The following CEP290 variants were observed in gnomAD, a reference collection of about 807,000 sequenced individuals.
CEP290 encodes the protein centrosomal protein 290.
CEP290 carries 317 observed loss-of-function variants against 344.9 expected under a neutral mutation model. The observed-to-expected ratio is 0.92, with a 90% CI of 0.84 to 1.01. CEP290 has a LOEUF of 1.01. CEP290 is among the 50% of genes least tolerant of loss of function. The pLI, the probability that CEP290 is intolerant of heterozygous loss-of-function variation, is 0.00. For synonymous variants in CEP290, 932 were observed against 895.8 expected, an observed-to-expected ratio of 1.04 and a Z score of -0.72; for missense variants, 2,754 against 2,761.4, an observed-to-expected ratio of 1.00 and a Z score of 0.06.
At chr12:88,055,293 C>A (rs2033904483) in intron 50 of CEP290, among the ~76,000 whole-genome samples, 1 of 152,040 alleles carries the variant, frequency 6.6e-6, no homozygotes, top group South Asian at 2.1e-4. Context: ...ATAGCTTGGA[C>A]AAGACTGGTA....
At chr12:88,071,218 C>T in intron 43 of CEP290, 76 bp downstream of exon 43, 6 of 1,163,940 alleles carry the variant, frequency 5.2e-6, no homozygotes, top group Non-Finnish European at 7.5e-6. Flanking sequence ...AGACAACACA[C>T]ATTTATTATT....
Position 88,079,137 on chromosome 12 carries a change from A to G in CEP290, c.5319T>C (p.His1773=). Residue 1773 remains histidine, a synonymous_variant, in exon 39 of 54, where the codon CAT becomes CAC. Coordinates refer to ENST00000552810, the MANE Select transcript of CEP290 (RefSeq NM_025114.4). ...IISATSQKEA[H]LNVQQIVDRH... ...GATCAACGATTTGTTGAACATTGAG[A>G]TGGGCCTCTTTTTGAGAAGTTGCAG... 1 of 1,598,496 alleles carries G rather than the reference A, an allele frequency of 6.3e-7. No individual in the cohort carries two copies. Among genetic ancestry groups the G allele is most frequent in the Non-Finnish European group, 8.5e-7 (1 of 1,173,926 alleles).
Position 88,086,110 on chromosome 12 carries a change from C to A in CEP290, c.4366G>T (p.Ala1456Ser), listed in dbSNP as rs375111436. 31 of 1,612,934 alleles carry A rather than the reference C, an allele frequency of 1.9e-5. No homozygotes were observed. Among genetic ancestry groups the A allele is most frequent in the Non-Finnish European group, 2.5e-5 (30 of 1,179,520 alleles). ...ATGTTCTCCTTAATTTTCCTTAGAGCGATCTCAAGTTGATTTGGAAGGGGC... is the reference window on the plus strand; with the variant it reads ...ATGTTCTCCTTAATTTTCCTTAGAGAGATCTCAAGTTGATTTGGAAGGGGC... ...SLPLPNQLEIALRKIKENIRI... is the reference protein window; with the variant it reads ...SLPLPNQLEISLRKIKENIRI... Residue 1456 changes from alanine (A) to serine (S), a missense_variant, in exon 34 of 54, where the codon GCT becomes TCT. Ala to Ser is a moderately conservative substitution (Grantham distance 99). Transcript: ENST00000552810.
At chr12:88,053,588 A>G in intron 52 of CEP290, 64 bp downstream of exon 52, 1 of 768,940 alleles carries the variant, frequency 1.3e-6, no homozygotes, top group East Asian at 2.7e-5. Flanking sequence ...CAAAAAAAAA[A>G]AAAAAAGGCA....
At chr12:88,060,688 A>G (rs927403946) in intron 47 of CEP290, 142 bp downstream of exon 47, 6 of 598,724 alleles carry the variant, frequency 1.0e-5, no homozygotes, top group Admixed American at 7.5e-5. Context: ...CTTGCCTCTC[A>G]TAAGTTTTTT....
chr12:88,129,178 G>A (rs377253625), intron 10 of CEP290, 143 bp from the exon 11 acceptor site: 30 of 408,422 alleles, frequency 7.3e-5, no homozygotes, highest in East Asian at 1.9e-4. Flanking sequence ...ACATACATAC[G>A]GATACATTAC....
At chr12:88,131,095 T>G in intron 7 of CEP290, 70 bp downstream of exon 7, 2 of 1,201,508 alleles carry the variant, frequency 1.7e-6, no homozygotes, top group Non-Finnish European at 2.3e-6. Context: ...AAATATAAAT[T>G]TATGTAAACT....
chr12:88,077,943 TATTC>T (rs1405765358), intron 39 of CEP290, 25 bp from the exon 40 acceptor site: 1 of 963,192 alleles, frequency 1.0e-6, no homozygotes, highest in Non-Finnish European at 1.5e-6. Flanking sequence ...AGAAAGGTAT[TATTC>T]ATGACTCTTC....
intron 26 of CEP290, among the ~76,000 whole-genome samples, chr12:88,098,750 A>G (rs1244420464): frequency 6.6e-6 from 1 of 152,224 alleles, no homozygotes; most frequent in Non-Finnish European, 1.5e-5. Context: ...ACTGTGAGGT[A>G]CGAAGTATTT....
At chr12:88,083,679 G>A (rs1165345866) in intron 36 of CEP290, among the ~76,000 whole-genome samples, 168 bp downstream of exon 36, 2 of 152,134 alleles carry the variant, frequency 1.3e-5, no homozygotes, top group Non-Finnish European at 2.9e-5. Context: ...ATATAATTTT[G>A]TGAACAGCGG....
intron 20 of CEP290, among the ~76,000 whole-genome samples, chr12:88,112,725 T>C (rs560383663): frequency 6.6e-6 from 1 of 152,184 alleles, no homozygotes; most frequent in Non-Finnish European, 1.5e-5. Context: ...GGGGTTTAAC[T>C]CTAGGTAGTA....
chr12:88,089,176 A>AT lies in CEP290; in HGVS notation c.3884dup (p.Asn1295LysfsTer2), dbSNP rs1381090737. 1 of 1,611,976 alleles carries AT rather than the reference A, an allele frequency of 6.2e-7. No homozygotes were observed. The highest frequency in any genetic ancestry group is 8.5e-7 in the Non-Finnish European group (1 of 1,179,112). ...TTTCTTGCATTATCTTAAGTTTGTC[A>AT]TTTTGTAGTTGAATCATTGTTTTGG... On this transcript the variant is annotated frameshift_variant, in exon 31 of 54. Transcript: ENST00000552810. LOFTEE classifies it high-confidence loss of function.
chr12:88,095,580 A>C (rs2037368194), intron 27 of CEP290, among the ~76,000 whole-genome samples: 1 of 152,174 alleles, frequency 6.6e-6, no homozygotes, highest in Non-Finnish European at 1.5e-5. Context: ...CACAAAAGTC[A>C]ATTCATATTT....
chr12:88,079,358 G>T, intron 38 of CEP290, 129 bp from the exon 39 acceptor site: 1 of 681,908 alleles, frequency 1.5e-6, no homozygotes, highest in Non-Finnish European at 2.3e-6. Context: ...GAGTTTAATG[G>T]AACATATTTC....
chr12:88,087,256 T>C (rs571797786), intron 32 of CEP290, among the ~76,000 whole-genome samples: 1 of 152,296 alleles, frequency 6.6e-6, no homozygotes, highest in South Asian at 2.1e-4. Context: ...AAAAATTAAC[T>C]TACCAAATGA....
At chr12:88,095,415 T>C (rs754718949) in intron 27 of CEP290, among the ~76,000 whole-genome samples, 10 of 152,152 alleles carry the variant, frequency 6.6e-5, no homozygotes, top group Non-Finnish European at 2.9e-5. Flanking sequence ...AATCCATATA[T>C]GAAAGAGATC....
chr12:88,123,935 C>A (rs2039571114), intron 13 of CEP290, among the ~76,000 whole-genome samples: 1 of 152,024 alleles, frequency 6.6e-6, no homozygotes, highest in Non-Finnish European at 1.5e-5. Flanking sequence ...TCACATCCTA[C>A]ATCTGATCTG....
At chr12:88,119,616 T>C (rs1175924648) in intron 15 of CEP290, among the ~76,000 whole-genome samples, 1 of 152,130 alleles carries the variant, frequency 6.6e-6, no homozygotes, top group Non-Finnish European at 1.5e-5. Context: ...CTAGCCAACA[T>C]GGTGAAATCC....
At chr12:88,066,812 T>C (rs2034974183) in intron 44 of CEP290, among the ~76,000 whole-genome samples, 1 of 152,098 alleles carries the variant, frequency 6.6e-6, no homozygotes, top group South Asian at 2.1e-4. Context: ...AAATTTTTTG[T>C]AGAGACAGGG....
Sources: gnomAD v4.1 joint callset for allele counts (sites outside exome capture counted in the v4.1 genomes callset) on GRCh38, gnomAD v4.1.1 for gene constraint, MANE v1.5 for transcripts, NCBI Gene and HGNC (gene_info 2026-07-23, HGNC 2026-07-21) for gene names.